ESRP1: variants seen among roughly 807,000 people sequenced by gnomAD.
The protein encoded by ESRP1 is epithelial splicing regulatory protein 1, also known as RNA-binding motif protein 35A.
ESRP1 carries 33 observed loss-of-function variants against 81.7 expected under a neutral mutation model. The observed-to-expected ratio is 0.40, with a 90% confidence interval of 0.31 to 0.54. The LOEUF (loss-of-function observed/expected upper bound fraction) is 0.54, where lower values mean the gene tolerates loss of function less well. Among genes scored for constraint, ESRP1 ranks in the 20% least tolerant of loss-of-function variants. The pLI, the probability that ESRP1 is intolerant of heterozygous loss-of-function variation, is 0.41. For synonymous variants in ESRP1, 320 were observed against 303.3 expected, an observed-to-expected ratio of 1.06 and a Z score of -0.57; for missense variants, 672 against 833.1, an observed-to-expected ratio of 0.81 and a Z score of 2.38.
At chr8:94,700,732 G>A (rs962032527) in intron 15 of ESRP1, among the ~76,000 whole-genome samples, 7 of 151,690 alleles carry the variant, frequency 4.6e-5, no homozygotes, top group South Asian at 2.1e-4. Context: ...GATCGAGACC[G>A]TCCTGGCTAA....
chr8:94,704,117 CTA>C (rs1026714097), intron 15 of ESRP1, among the ~76,000 whole-genome samples: 5 of 147,210 alleles, frequency 3.4e-5, no homozygotes, highest in Non-Finnish European at 4.5e-5. Context: ...TTTGTAGAAT[CTA>C]TGTTATTAAG....
At chr8:94,653,506 G>A (rs1324622851) in intron 4 of ESRP1, among the ~76,000 whole-genome samples, 2 of 152,144 alleles carry the variant, frequency 1.3e-5, no homozygotes, top group African/African-American at 2.4e-5. Flanking sequence ...CCAGGTTGTC[G>A]GGTGTCTCAG....
At chr8:94,682,747 G>A (rs1021053523) in intron 13 of ESRP1, among the ~76,000 whole-genome samples, 5 of 146,998 alleles carry the variant, frequency 3.4e-5, no homozygotes, top group Non-Finnish European at 7.6e-5. Flanking sequence ...CAAGTAGACT[G>A]CGCATGCTTG....
At position 94,674,483 on chromosome 8, in the gene ESRP1, C is replaced by T; in HGVS notation, c.1628C>T (p.Ser543Phe). Residue 543 changes from serine (S) to phenylalanine (F), a missense_variant, in exon 12 of 16, where the codon TCC (serine) becomes TTC (phenylalanine). Transcript: ENST00000433389. ...GGCACTTTAAATCGAAATGGCTTATCCCCACCGCCATGTAAGTTACCATGT... is the reference window on the plus strand; with the variant it reads ...GGCACTTTAAATCGAAATGGCTTATTCCCACCGCCATGTAAGTTACCATGT... Reference protein sequence around the residue: ...MGGTLNRNGLSPPPCKLPCLS... With the variant: ...MGGTLNRNGLFPPPCKLPCLS... 1 of 1,613,634 alleles carries T rather than the reference C, an allele frequency of 6.2e-7. No homozygotes were observed.
chr8:94,682,271 G>C (rs1808919231), intron 13 of ESRP1, among the ~76,000 whole-genome samples: 1 of 152,120 alleles, frequency 6.6e-6, no homozygotes, highest in Non-Finnish European at 1.5e-5. Context: ...GCATAGGTGG[G>C]AGACATGCTG....
At chr8:94,662,409 A>G (rs2130606421) in intron 5 of ESRP1, 39 bp downstream of exon 5, 1 of 1,530,192 alleles carries the variant, frequency 6.5e-7, no homozygotes, top group Non-Finnish European at 8.9e-7. Flanking sequence ...CCCAGAATTC[A>G]TACTATTTTT....
At chr8:94,643,450 G>C (rs1323358358) in intron 3 of ESRP1, 34 bp downstream of exon 3, 2 of 1,431,006 alleles carry the variant, frequency 1.4e-6, no homozygotes, top group Admixed American at 3.6e-5. Context: ...AAAAATGGTT[G>C]GAGCTTTGGG....
At position 94,696,645 on chromosome 8, in the gene ESRP1, T is replaced by A. The variant is rs557543818; in HGVS notation, c.1972-207T>A. Among the ~76,000 whole-genome samples the A allele has an allele frequency of 4.6e-5, 7 of 152,340 alleles. No homozygotes were observed. The South Asian group carries it at 1.4e-3, about 32-fold the overall frequency. On this transcript the variant is annotated intron_variant, in intron 14 of 15. Transcript: ENST00000433389. Reference sequence around the variant, plus strand: ...TGTAATCCATGTTTTCAATCTAATGTCCATCCTAGAAGGGACTTTTATGGT... The same window carrying A: ...TGTAATCCATGTTTTCAATCTAATGACCATCCTAGAAGGGACTTTTATGGT...
At chr8:94,696,982 A>G in intron 15 of ESRP1, 21 bp downstream of exon 15, 1 of 1,490,148 alleles carries the variant, frequency 6.7e-7, no homozygotes, top group Non-Finnish European at 9.0e-7. Flanking sequence ...ATGATGTGCA[A>G]GTTAAATTAT....
chr8:94,642,095 C>G lies in ESRP1; in HGVS notation c.261+11C>G. The G allele has an allele frequency of 6.2e-7, 1 of 1,608,278 alleles. No homozygotes were observed. Among genetic ancestry groups the G allele is most frequent in the South Asian group, 1.1e-5 (1 of 90,896 alleles). On this transcript the variant is annotated intron_variant, in intron 2 of 15. Coordinates refer to ENST00000433389, the MANE Select transcript of ESRP1 (RefSeq NM_017697.4). Reference sequence around the variant, plus strand: ...CAAGCCCTCCGACAGGTGACAACCCCGGGTCACGCCACCCACCCCAGCCTG... The same window carrying G: ...CAAGCCCTCCGACAGGTGACAACCCGGGGTCACGCCACCCACCCCAGCCTG...
intron 13 of ESRP1, among the ~76,000 whole-genome samples, chr8:94,681,250 C>T (rs1045266122): frequency 4.2e-5 from 6 of 141,590 alleles, no homozygotes; most frequent in African/African-American, 1.1e-4. Flanking sequence ...GGCGTGAACC[C>T]GGGAGAAGGA....
chr8:94,664,999 G>A lies in ESRP1; in HGVS notation c.828G>A (p.Glu276=), dbSNP rs1157426746. 1 of 1,613,340 alleles carries A rather than the reference G, an allele frequency of 6.2e-7. No individual in the cohort carries two copies. ...AAGCTCTGGTTAGGTTTGTAAGTGAGGAGCACCGAGACCTAGCACTACAGA... is the reference window on the plus strand; with the variant it reads ...AAGCTCTGGTTAGGTTTGTAAGTGAAGAGCACCGAGACCTAGCACTACAGA... ...NGEALVRFVS[E]EHRDLALQRH... is the part of the protein sequence containing the mutation. Residue 276 remains glutamate (E), a synonymous_variant, in exon 8 of 16, where the codon GAG becomes GAA. Coordinates refer to ENST00000433389, the MANE Select transcript of ESRP1 (RefSeq NM_017697.4).
At chr8:94,658,456 A>G (rs985840935) in intron 4 of ESRP1, among the ~76,000 whole-genome samples, 2 of 152,190 alleles carry the variant, frequency 1.3e-5, no homozygotes, top group Non-Finnish European at 2.9e-5. Context: ...CATTTTAGGA[A>G]TAGTATCTAA....
intron 15 of ESRP1, among the ~76,000 whole-genome samples, chr8:94,705,367 C>T (rs1307781740): frequency 1.3e-5 from 2 of 151,910 alleles, no homozygotes; most frequent in Non-Finnish European, 2.9e-5. Flanking sequence ...GGGGTTTCAC[C>T]ATGTTGGCCA....
intron 13 of ESRP1, among the ~76,000 whole-genome samples, chr8:94,682,697 G>A (rs1213670473): frequency 7.2e-6 from 1 of 139,174 alleles, no homozygotes; most frequent in East Asian, 2.3e-4. Flanking sequence ...AACAAAGGAA[G>A]CACAGGAAGT....
At chr8:94,674,678 G>C (rs1429268325) in intron 12 of ESRP1, among the ~76,000 whole-genome samples, 172 bp downstream of exon 12, 1 of 152,116 alleles carries the variant, frequency 6.6e-6, no homozygotes, top group African/African-American at 2.4e-5. Context: ...CCTTGGTTGT[G>C]GACACCCATA....
chr8:94,702,918 C>G (rs1809896018), intron 15 of ESRP1, among the ~76,000 whole-genome samples: 1 of 152,106 alleles, frequency 6.6e-6, no homozygotes, highest in Non-Finnish European at 1.5e-5. Context: ...GTGGTGAAAT[C>G]CAGATATCTT....
At chr8:94,693,813 C>T (rs994993733) in intron 14 of ESRP1, among the ~76,000 whole-genome samples, 1 of 152,106 alleles carries the variant, frequency 6.6e-6, no homozygotes, top group Admixed American at 6.5e-5. Flanking sequence ...GGACTGTGAT[C>T]TCAGCTAAAA....
At chr8:94,705,650 G>T (rs1273530287) in intron 15 of ESRP1, 6 of 338,918 alleles carry the variant, frequency 1.8e-5, no homozygotes, top group Non-Finnish European at 2.1e-5. Flanking sequence ...AACCATACAT[G>T]TTAAACTAAA....
Sources: gnomAD v4.1 joint callset for allele counts (sites outside exome capture counted in the v4.1 genomes callset) on GRCh38, gnomAD v4.1.1 for gene constraint, MANE v1.5 for transcripts, NCBI Gene and HGNC (gene_info 2026-07-23, HGNC 2026-07-21) for gene names.